The following PON2 variants were observed in gnomAD, a reference collection of about 807,000 sequenced individuals.
The protein encoded by PON2 is paraoxonase 2.
In PON2, 27 loss-of-function variants were observed where a neutral mutation model predicts 36.6. That is an observed-to-expected ratio of 0.74 (90% CI 0.54 to 1.02). The LOEUF (loss-of-function observed/expected upper bound fraction) is 1.02. PON2 is among the 50% of genes least tolerant of loss of function. The probability of loss-of-function intolerance (pLI) is 0.00; values close to 1 mark genes in which losing one functional copy is unlikely to be tolerated. For synonymous variants in PON2, 149 were observed against 156.3 expected (o/e 0.95, Z 0.35); for missense variants, 363 against 421.1 (o/e 0.86, Z 1.21).
At chr7:95,416,783 C>T (rs1459824477) in intron 2 of PON2, among the ~76,000 whole-genome samples, 4 of 152,126 alleles carry the variant, frequency 2.6e-5, no homozygotes, top group African/African-American at 9.7e-5. Context: ...AAAACAGTGC[C>T]TACTTGTGCT....
intron 2 of PON2, among the ~76,000 whole-genome samples, chr7:95,418,727 T>C (rs1252977947): frequency 6.6e-6 from 1 of 152,216 alleles, no homozygotes; most frequent in East Asian, 1.9e-4. Context: ...GCATTCCAGG[T>C]GATATTTATG....
chr7:95,411,703 T>A lies in PON2; in HGVS notation c.444A>T (p.Ala148=). The A allele has an allele frequency of 1.2e-6, 2 of 1,613,960 alleles. No individual in the cohort carries two copies. The highest frequency in any genetic ancestry group is 1.7e-6 in the Non-Finnish European group (2 of 1,179,906). Residue 148 remains alanine (A), a synonymous_variant, in exon 5 of 9, where the codon GCA becomes GCT. Transcript: ENST00000222572. ...TTTTCAGATGCAACAGAGAATTTTC[T>A]GCTTCTTCAAATTTAAAAATTTCCA... ...NTVEIFKFEE[A]ENSLLHLKTV... is the part of the protein sequence containing the mutation.
In PON2 at chr7:95,405,258, A is replaced by C; in HGVS notation, c.*72T>G. 3.3e-6 allele frequency: 5 copies of C among 1,517,422 alleles called. No homozygotes were observed. The South Asian group carries it at 5.7e-5, about 17-fold the overall frequency. The allele number at this position is 1,517,422 out of a possible 1,614,324, so 94.0% of individuals were successfully genotyped here. A position where few individuals can be genotyped will look rare whatever the true frequency, so the allele number is the denominator to read the frequency against. On this transcript the variant is annotated 3_prime_UTR_variant, in exon 9 of 9. Transcript: ENST00000222572. ...ATTTCTGGGTCAATGTTGCTGGTTA[A>C]ATTCCCTCAGAATTAGCAATTCATA...
intron 5 of PON2, among the ~76,000 whole-genome samples, chr7:95,411,148 C>T (rs935348531): frequency 6.6e-6 from 1 of 152,178 alleles, no homozygotes; most frequent in African/African-American, 2.4e-5. Context: ...TAATGACTCA[C>T]TCTCAACTTG....
chr7:95,415,145 T>G (rs1331963792), intron 3 of PON2: 1 of 152,208 alleles, frequency 6.6e-6, no homozygotes, highest in Non-Finnish European at 1.5e-5. Context: ...ATGGAATAAT[T>G]ACAGTCAGGT....
chr7:95,407,986 T>G (rs1007595848), intron 6 of PON2, among the ~76,000 whole-genome samples: 2 of 152,160 alleles, frequency 1.3e-5, no homozygotes, highest in African/African-American at 4.8e-5. Flanking sequence ...GAGTTCTTTG[T>G]CTAAAGCATA....
At chr7:95,416,814 C>T (rs1417520158) in intron 2 of PON2, among the ~76,000 whole-genome samples, 2 of 152,138 alleles carry the variant, frequency 1.3e-5, no homozygotes, top group Non-Finnish European at 2.9e-5. Flanking sequence ...GAAAGCTTTT[C>T]TATTTAATCT....
intron 1 of PON2, 81 bp downstream of exon 1, chr7:95,434,797 C>G: frequency 6.8e-6 from 10 of 1,468,954 alleles, no homozygotes; most frequent in Non-Finnish European, 8.2e-6. Context: ...AATCCCTCCC[C>G]CAGCCTGCGC....
At chr7:95,432,031 G>A (rs1471726913) in intron 1 of PON2, among the ~76,000 whole-genome samples, 1 of 151,958 alleles carries the variant, frequency 6.6e-6, no homozygotes, top group African/African-American at 2.4e-5. Flanking sequence ...CCCATTTGGG[G>A]CTCCACATAT....
chr7:95,424,610 A>C, intron 1 of PON2, 25 bp from the exon 2 acceptor site: 1 of 1,580,572 alleles, frequency 6.3e-7, no homozygotes, highest in Non-Finnish European at 8.7e-7. Flanking sequence ...AAAAAACAAA[A>C]AACAAAAAAC....
At chr7:95,415,589 A>G (rs1261982811) in intron 3 of PON2, among the ~76,000 whole-genome samples, 1 of 152,198 alleles carries the variant, frequency 6.6e-6, no homozygotes, top group Non-Finnish European at 1.5e-5. Context: ...GCTGTATTTA[A>G]AATAGTATAA....
chr7:95,428,563 A>G (rs1358108708), intron 1 of PON2, among the ~76,000 whole-genome samples: 2 of 152,262 alleles, frequency 1.3e-5, no homozygotes, highest in African/African-American at 4.8e-5. Context: ...TAGATAGCTC[A>G]AAGTGCCATT....
At chr7:95,430,048 C>T (rs1197341323) in intron 1 of PON2, among the ~76,000 whole-genome samples, 1 of 151,994 alleles carries the variant, frequency 6.6e-6, no homozygotes, top group African/African-American at 2.4e-5. Flanking sequence ...ACTAGTTAAC[C>T]TCTCTAACCT....
intron 1 of PON2, among the ~76,000 whole-genome samples, chr7:95,432,455 T>C (rs368667361): frequency 6.6e-6 from 1 of 151,986 alleles, no homozygotes; most frequent in Non-Finnish European, 1.5e-5. Context: ...CAAAAACCTG[T>C]AAATAAACTA....
At chr7:95,423,233 G>A (rs1247184546) in intron 2 of PON2, among the ~76,000 whole-genome samples, 6 of 148,776 alleles carry the variant, frequency 4.0e-5, no homozygotes, top group African/African-American at 1.5e-4. Flanking sequence ...GAGGCGGGAG[G>A]ATCGCTTGAG....
At chr7:95,417,624 G>A (rs1562788726) in intron 2 of PON2, among the ~76,000 whole-genome samples, 1 of 99,908 alleles carries the variant, frequency 1.0e-5, no homozygotes, top group Non-Finnish European at 2.3e-5. Flanking sequence ...CTGGTAATAA[G>A]TTAAGAATCA....
Position 95,410,120 on chromosome 7 carries a change from A to T in PON2, c.495-19T>A, listed in dbSNP as rs1383547150. ...ATTCACACTGAAAAAGAAAAATAGC[A>T]TGTGAGAGGAAACAAAAGGCCTGTT... On this transcript the variant is annotated intron_variant, in intron 5 of 8. Coordinates refer to ENST00000222572, the MANE Select transcript of PON2 (RefSeq NM_000305.3). 1 of 1,600,174 alleles carries T rather than the reference A, an allele frequency of 6.2e-7. No homozygotes were observed. Among genetic ancestry groups the T allele is most frequent in the African/African-American group, 1.3e-5 (1 of 74,634 alleles).
chr7:95,411,889 T>A, intron 4 of PON2, 110 bp from the exon 5 acceptor site: 1 of 1,129,888 alleles, frequency 8.9e-7, no homozygotes, highest in Non-Finnish European at 1.3e-6. Context: ...GTATAAGCTG[T>A]TAGACGACCT....
chr7:95,424,945 T>A (rs2286233), intron 1 of PON2, among the ~76,000 whole-genome samples: 129,448 of 152,136 alleles, frequency 0.85, 55,296 homozygotes, highest in South Asian at 0.92. Flanking sequence ...GTAGAACCAG[T>A]AGCCCTGTCT....
Sources: gnomAD v4.1 joint callset for allele counts (sites outside exome capture counted in the v4.1 genomes callset) on GRCh38, gnomAD v4.1.1 for gene constraint, MANE v1.5 for transcripts, NCBI Gene and HGNC (gene_info 2026-07-23, HGNC 2026-07-21) for gene names.